EYS: variants seen among roughly 807,000 people sequenced by gnomAD.
EYS encodes the protein protein eyes shut homolog.
Under a neutral mutation model 282.1 loss-of-function variants are expected in EYS, and 250 were observed. That is an observed-to-expected ratio of 0.89 (90% CI 0.80 to 0.98). The LOEUF (loss-of-function observed/expected upper bound fraction) is 0.98. Ranked by LOEUF, EYS falls within the 50% of genes least tolerant of loss-of-function variation. The pLI is 0.00. For missense variants in EYS, 4,016 were observed against 3,709.0 expected, an observed-to-expected ratio of 1.08 and a Z score of -2.15; for synonymous variants, 1,355 against 1,282.9, an observed-to-expected ratio of 1.06 and a Z score of -1.20.
At chr6:65,349,499 G>T (rs1014450772) in intron 9 of EYS, among the ~76,000 whole-genome samples, 3 of 151,288 alleles carry the variant, frequency 2.0e-5, no homozygotes, top group Non-Finnish European at 3.0e-5. Flanking sequence ...CAGGAGGAAG[G>T]TTATTATTAT....
chr6:63,964,961 T>C (rs1766237251), intron 35 of EYS, among the ~76,000 whole-genome samples: 3 of 152,244 alleles, frequency 2.0e-5, no homozygotes, highest in Non-Finnish European at 2.9e-5. Context: ...GTGAATACTT[T>C]GCACATTTGC....
At chr6:65,647,832 C>CA (rs996780936) in intron 1 of EYS, among the ~76,000 whole-genome samples, 2 of 151,798 alleles carry the variant, frequency 1.3e-5, no homozygotes, top group African/African-American at 4.8e-5. Context: ...GAGAAACAAA[C>CA]AAAAAAACAA....
At chr6:65,662,259 T>C (rs1198582100) in intron 1 of EYS, among the ~76,000 whole-genome samples, 1 of 152,152 alleles carries the variant, frequency 6.6e-6, no homozygotes, top group Non-Finnish European at 1.5e-5. Flanking sequence ...AAGAGGTTTA[T>C]CTTCTACTCA....
intron 13 of EYS, among the ~76,000 whole-genome samples, chr6:65,050,502 T>C (rs1183216684): frequency 6.6e-6 from 1 of 151,694 alleles, no homozygotes; most frequent in African/African-American, 2.4e-5. Context: ...ACTCATATTG[T>C]CATTTTCATT....
chr6:65,271,987 G>T (rs1767918717), intron 12 of EYS, among the ~76,000 whole-genome samples: 1 of 152,136 alleles, frequency 6.6e-6, no homozygotes, highest in African/African-American at 2.4e-5. Flanking sequence ...TTAGTCCTAT[G>T]TCTACAGGAG....
chr6:64,891,420 T>C (rs990822288), intron 18 of EYS, among the ~76,000 whole-genome samples: 7 of 152,070 alleles, frequency 4.6e-5, no homozygotes, highest in African/African-American at 1.4e-4. Flanking sequence ...TCCCGCTCCC[T>C]GTGTCTAATA....
chr6:64,543,984 T>G (rs899106313), intron 26 of EYS, among the ~76,000 whole-genome samples: 1 of 152,202 alleles, frequency 6.6e-6, no homozygotes, highest in Non-Finnish European at 1.5e-5. Context: ...AGTTTCAGAT[T>G]ATTTAATTTC....
intron 11 of EYS, among the ~76,000 whole-genome samples, chr6:65,322,394 T>A (rs1316869614): frequency 6.6e-6 from 1 of 152,192 alleles, no homozygotes; most frequent in Non-Finnish European, 1.5e-5. Flanking sequence ...TGCTTATGAA[T>A]AACAGTGAGA....
intron 29 of EYS, among the ~76,000 whole-genome samples, chr6:64,387,674 A>G (rs945433867): frequency 2.6e-5 from 4 of 152,138 alleles, no homozygotes; most frequent in Admixed American, 1.3e-4. Flanking sequence ...TTCATTTACG[A>G]AAAAGTCAAT....
At chr6:64,308,329 A>G (rs1745389142) in intron 29 of EYS, among the ~76,000 whole-genome samples, 2 of 152,106 alleles carry the variant, frequency 1.3e-5, no homozygotes, top group South Asian at 2.1e-4. Flanking sequence ...AATTTGGTGA[A>G]CAAAAATAAC....
At position 65,016,201 on chromosome 6, in the gene EYS, TA is replaced by T. The variant is rs1286404600; in HGVS notation, c.2138-18499del. On this transcript the variant is annotated intron_variant, in intron 13 of 42. Transcript: ENST00000503581. ...TAACATGGTGAAACCTCGTTTCTAC[TA>T]AAAAAAAAAAGTATATATATATTTT... Among the ~76,000 whole-genome samples the T allele has an allele frequency of 5.4e-3, 780 of 145,104 alleles. 8 individuals carry two copies. Among genetic ancestry groups the T allele is most frequent in the African/African-American group, 0.017 (663 of 39,886 alleles).
chr6:64,695,753 T>G (rs1375615703), intron 22 of EYS, among the ~76,000 whole-genome samples: 1 of 151,946 alleles, frequency 6.6e-6, no homozygotes, highest in African/African-American at 2.4e-5. Context: ...CCCGGCTAAT[T>G]TTTGTATTTT....
chr6:65,501,881 C>CCAT (rs1766466851), intron 2 of EYS, among the ~76,000 whole-genome samples: 1 of 151,318 alleles, frequency 6.6e-6, no homozygotes, highest in African/African-American at 2.4e-5. Context: ...ATGGATGAGA[C>CCAT]CATAGCATCA....
At chr6:64,342,362 A>T (rs1334641074) in intron 29 of EYS, among the ~76,000 whole-genome samples, 1 of 151,998 alleles carries the variant, frequency 6.6e-6, no homozygotes, top group East Asian at 1.9e-4. Context: ...CTAACAGCTG[A>T]TCTCTCCACA....
chr6:65,506,016 C>G (rs932899032), intron 2 of EYS, among the ~76,000 whole-genome samples: 3 of 152,048 alleles, frequency 2.0e-5, no homozygotes, highest in African/African-American at 4.8e-5. Flanking sequence ...TTCTCTTATT[C>G]CTGTCTGTTT....
chr6:64,363,790 C>T (rs661287), intron 29 of EYS, among the ~76,000 whole-genome samples: 108,942 of 151,802 alleles, frequency 0.72, 39,301 homozygotes, highest in African/African-American at 0.79. Context: ...TTACATTTAA[C>T]TTTATCACAG....
chr6:64,610,139 T>C (rs1273324614), intron 24 of EYS, among the ~76,000 whole-genome samples: 1 of 152,090 alleles, frequency 6.6e-6, no homozygotes, highest in African/African-American at 2.4e-5. Context: ...CACATGTTCA[T>C]GCTGTAAGTG....
chr6:64,837,671 T>G (rs756841164), intron 19 of EYS, among the ~76,000 whole-genome samples: 3 of 96,348 alleles, frequency 3.1e-5, no homozygotes, highest in South Asian at 3.5e-4. Context: ...GTATATGATA[T>G]ATATATATAT....
chr6:63,749,054 AG>A (rs917230454), intron 41 of EYS, among the ~76,000 whole-genome samples: 4 of 151,844 alleles, frequency 2.6e-5, no homozygotes, highest in Non-Finnish European at 5.9e-5. Context: ...TTGGTTCTCT[AG>A]TTCTTTTAGT....
Sources: gnomAD v4.1 joint callset for allele counts (sites outside exome capture counted in the v4.1 genomes callset) on GRCh38, gnomAD v4.1.1 for gene constraint, MANE v1.5 for transcripts, NCBI Gene and HGNC (gene_info 2026-07-23, HGNC 2026-07-21) for gene names.